The following LCORL variants were observed in gnomAD, a reference collection of about 807,000 sequenced individuals.
LCORL encodes the protein ligand dependent nuclear receptor corepressor like.
A neutral mutation model predicts 141.8 loss-of-function variants in LCORL; 41 were observed. The observed-to-expected ratio is 0.29, with a 90% CI of 0.23 to 0.38. The LOEUF (loss-of-function observed/expected upper bound fraction) is 0.38, where lower values mean the gene tolerates loss of function less well. LCORL is among the 10% of genes least tolerant of loss of function. The probability of loss-of-function intolerance (pLI) is 1.00; values close to 1 mark genes in which losing one functional copy is unlikely to be tolerated. For missense variants in LCORL, 1,759 were observed against 2,035.0 expected (o/e 0.86, Z 2.61); for synonymous variants, 618 against 694.1 (o/e 0.89, Z 1.72).
At chr4:17,871,472 T>C (rs1427377991) in intron 7 of LCORL, among the ~76,000 whole-genome samples, 1 of 151,956 alleles carries the variant, frequency 6.6e-6, no homozygotes, top group Non-Finnish European at 1.5e-5. Flanking sequence ...TGATTTCATA[T>C]TTAGTGGGGG....
At chr4:17,933,550 T>C (rs1736386899) in intron 4 of LCORL, among the ~76,000 whole-genome samples, 1 of 152,102 alleles carries the variant, frequency 6.6e-6, no homozygotes, top group Non-Finnish European at 1.5e-5. Flanking sequence ...TTCCTTTTTA[T>C]CTATTTCTTT....
chr4:17,874,145 G>C (rs1226343918), exon 7 of LCORL: 1 of 1,233,948 alleles, frequency 8.1e-7, no homozygotes, highest in South Asian at 4.1e-5. Context: ...CTGTTCCATG[G>C]TTGTGCAGCT....
intron 5 of LCORL, among the ~76,000 whole-genome samples, chr4:17,907,374 C>T (rs1029474009): frequency 6.6e-6 from 1 of 152,054 alleles, no homozygotes; most frequent in African/African-American, 2.4e-5. Context: ...GGCCAAATTA[C>T]AATTGAAGAA....
chr4:17,892,022 C>T (rs1450012506), intron 5 of LCORL, among the ~76,000 whole-genome samples: 1 of 151,960 alleles, frequency 6.6e-6, no homozygotes, highest in African/African-American at 2.4e-5. Flanking sequence ...TGGGTTTATC[C>T]AAATTTCGAT....
intron 4 of LCORL, among the ~76,000 whole-genome samples, chr4:17,926,305 C>CAA (rs61087640): frequency 0.074 from 11,301 of 152,140 alleles, 954 homozygotes; most frequent in African/African-American, 0.21. Flanking sequence ...GATCCACCCT[C>CAA]AATCTTGGTG....
chr4:17,869,379 T>C (rs1159884872), intron 7 of LCORL, among the ~76,000 whole-genome samples: 1 of 152,122 alleles, frequency 6.6e-6, no homozygotes, highest in Non-Finnish European at 1.5e-5. Context: ...CTTGTGGCTC[T>C]GTTAGTCCAC....
At chr4:17,850,219 G>A (rs2109097239) in intron 7 of LCORL, among the ~76,000 whole-genome samples, 1 of 144,240 alleles carries the variant, frequency 6.9e-6, no homozygotes, top group East Asian at 2.0e-4. Context: ...ACATAGGCAT[G>A]GGCAAGGACT....
chr4:17,950,290 TAAAC>T (rs999935066), intron 4 of LCORL, among the ~76,000 whole-genome samples: 18 of 152,268 alleles, frequency 1.2e-4, no homozygotes, highest in African/African-American at 3.8e-4. Flanking sequence ...AAGAAAATCT[TAAAC>T]AAGGCACTTC....
At chr4:17,852,872 A>G (rs1723925020) in intron 7 of LCORL, among the ~76,000 whole-genome samples, 1 of 152,116 alleles carries the variant, frequency 6.6e-6, no homozygotes, top group Admixed American at 6.5e-5. Flanking sequence ...TCTAGCTCTA[A>G]TAATTTAAAC....
chr4:17,993,353 C>T (rs888906238), intron 1 of LCORL, among the ~76,000 whole-genome samples: 3 of 152,096 alleles, frequency 2.0e-5, no homozygotes, highest in Non-Finnish European at 4.4e-5. Flanking sequence ...CAGGCATGTG[C>T]CACCACAACT....
intron 1 of LCORL, among the ~76,000 whole-genome samples, chr4:18,010,606 C>T (rs1054537796): frequency 2.6e-5 from 4 of 151,160 alleles, no homozygotes; most frequent in East Asian, 1.9e-4. Context: ...CCTGCCACCA[C>T]GCCTGGCTAA....
At chr4:17,912,399 G>A (rs543955047) in intron 4 of LCORL, 9 of 631,628 alleles carry the variant, frequency 1.4e-5, no homozygotes, top group East Asian at 7.3e-5. Flanking sequence ...GGGTGACTGC[G>A]GAGGTAGATG....
At position 17,850,059 on chromosome 4, in the gene LCORL, G is replaced by C. The variant is rs557537379; in HGVS notation, c.5603-4158C>G. Among the ~76,000 whole-genome samples, 951 of 150,084 alleles carry C rather than the reference G, an allele frequency of 6.3e-3. 12 individuals are homozygous for C. Among genetic ancestry groups the C allele is most frequent in the African/African-American group, 0.022 (914 of 40,990 alleles). On this transcript the variant is annotated intron_variant, in intron 7 of 7. Coordinates refer to ENST00000635767, the Ensembl canonical transcript of LCORL. ...GATTCCCTATTTAATAAATGGTGCTGGGAAAACTGGCTAGCCATATGTAGA... is the reference window on the plus strand; with the variant it reads ...GATTCCCTATTTAATAAATGGTGCTCGGAAAACTGGCTAGCCATATGTAGA...
intron 5 of LCORL, among the ~76,000 whole-genome samples, chr4:17,890,122 T>C (rs1185602058): frequency 1.3e-5 from 2 of 152,122 alleles, no homozygotes; most frequent in Non-Finnish European, 2.9e-5. Context: ...ACTGTTACAA[T>C]GCTGAAATGA....
At chr4:17,874,852 T>C in exon 7 of LCORL, 2 of 1,233,760 alleles carry the variant, frequency 1.6e-6, no homozygotes, top group East Asian at 3.2e-5. Flanking sequence ...GCTATTTTCA[T>C]CTTTGAGTGC....
At chr4:17,935,681 G>T (rs959505) in intron 4 of LCORL, among the ~76,000 whole-genome samples, 12 of 152,114 alleles carry the variant, frequency 7.9e-5, no homozygotes, top group African/African-American at 2.7e-4. Context: ...ATAAGCTCCC[G>T]GAGGCCCTCA....
intron 7 of LCORL, among the ~76,000 whole-genome samples, chr4:17,857,505 C>G (rs1724502163): frequency 6.6e-6 from 1 of 152,170 alleles, no homozygotes; most frequent in Admixed American, 6.5e-5. Flanking sequence ...GTGAGGTCAA[C>G]TTAGCCCTAC....
At chr4:17,912,462 C>T (rs529278298) in intron 4 of LCORL, 27 of 556,360 alleles carry the variant, frequency 4.9e-5, no homozygotes, top group South Asian at 2.2e-4. Context: ...GGGCCCAATA[C>T]GATGAGCTGG....
intron 4 of LCORL, among the ~76,000 whole-genome samples, chr4:17,917,813 A>T (rs966146480): frequency 2.0e-5 from 3 of 152,236 alleles, no homozygotes; most frequent in Non-Finnish European, 1.5e-5. Context: ...GCTTATAGCC[A>T]TCAAGGAATG....
Sources: gnomAD v4.1 joint callset for allele counts (sites outside exome capture counted in the v4.1 genomes callset) on GRCh38, gnomAD v4.1.1 for gene constraint, MANE v1.5 for transcripts, NCBI Gene and HGNC (gene_info 2026-07-23, HGNC 2026-07-21) for gene names.